The following ERC2 variants were observed in gnomAD, a reference collection of about 807,000 sequenced individuals.
The protein encoded by ERC2 is ERC protein 2.
Under a neutral mutation model 114.8 loss-of-function variants are expected in ERC2, and 42 were observed. The ratio of observed to expected loss-of-function variants is 0.37; its 90% CI spans 0.29 to 0.47. ERC2 has a LOEUF of 0.47. Among genes scored for constraint, ERC2 ranks in the 20% least tolerant of loss-of-function variants. The pLI is 0.99. For synonymous variants in ERC2, 454 were observed against 425.5 expected, an observed-to-expected ratio of 1.07 and a Z score of -0.82; for missense variants, 939 against 1,150.7, an observed-to-expected ratio of 0.82 and a Z score of 2.66.
intron 2 of ERC2, among the ~76,000 whole-genome samples, chr3:56,305,511 T>TA (rs1560559356): frequency 0.013 from 1,182 of 89,706 alleles, 13 homozygotes; most frequent in African/African-American, 0.045. Flanking sequence ...CACTCTCTTA[T>TA]CCACACACAC....
intron 7 of ERC2, among the ~76,000 whole-genome samples, chr3:56,071,809 A>G (rs968694280): frequency 2.6e-5 from 4 of 152,202 alleles, no homozygotes; most frequent in Admixed American, 2.6e-4. Flanking sequence ...TGCTTCACAA[A>G]GGAGCTTAGT....
At chr3:56,121,574 A>C (rs2079577986) in intron 6 of ERC2, among the ~76,000 whole-genome samples, 2 of 152,230 alleles carry the variant, frequency 1.3e-5, no homozygotes, top group East Asian at 3.9e-4. Context: ...AAAGATTAAA[A>C]GTCCAGGCAT....
intron 17 of ERC2, among the ~76,000 whole-genome samples, chr3:55,569,130 A>G (rs1252761923): frequency 1.3e-5 from 2 of 152,134 alleles, no homozygotes; most frequent in Non-Finnish European, 2.9e-5. Context: ...TTACCTTTGA[A>G]CCCACTTCAA....
intron 3 of ERC2, among the ~76,000 whole-genome samples, chr3:56,174,547 T>G (rs1187886190): frequency 1.3e-5 from 2 of 152,216 alleles, no homozygotes; most frequent in Non-Finnish European, 2.9e-5. Context: ...TCAGAACCAC[T>G]GGATCACAAA....
At chr3:55,947,502 G>A (rs2067203615) in intron 13 of ERC2, among the ~76,000 whole-genome samples, 1 of 152,136 alleles carries the variant, frequency 6.6e-6, no homozygotes, top group African/African-American at 2.4e-5. Context: ...AATGCCAAGG[G>A]TGAAAATCAC....
intron 17 of ERC2, among the ~76,000 whole-genome samples, chr3:55,531,296 T>C (rs549146603): frequency 6.6e-6 from 1 of 152,256 alleles, no homozygotes; most frequent in East Asian, 1.9e-4. Context: ...TTGGAATGAA[T>C]TGATGCAACC....
At chr3:55,734,583 A>T (rs1283207326) in intron 15 of ERC2, among the ~76,000 whole-genome samples, 188 bp downstream of exon 15, 2 of 152,220 alleles carry the variant, frequency 1.3e-5, no homozygotes, top group Non-Finnish European at 2.9e-5. Flanking sequence ...GCCCAGCCAC[A>T]TGCACATAAA....
intron 3 of ERC2, among the ~76,000 whole-genome samples, chr3:56,221,158 TGAAAA>T (rs2049880351): frequency 6.6e-6 from 1 of 151,898 alleles, no homozygotes; most frequent in Non-Finnish European, 1.5e-5. Context: ...ATTTGAAAAT[TGAAAA>T]TTTTCAAATT....
chr3:56,368,825 G>GA (rs370113784), intron 2 of ERC2, among the ~76,000 whole-genome samples: 240 of 148,190 alleles, frequency 1.6e-3, no homozygotes, highest in African/African-American at 4.7e-3. Context: ...AAAAAAATCA[G>GA]AAAAAAAAAA....
chr3:56,173,292 G>A (rs2082780154), intron 4 of ERC2, among the ~76,000 whole-genome samples, 154 bp downstream of exon 4: 1 of 152,118 alleles, frequency 6.6e-6, no homozygotes, highest in South Asian at 2.1e-4. Context: ...TACATTAAAT[G>A]TGCCCAGGAA....
At chr3:55,535,832 A>C (rs1399070947) in intron 17 of ERC2, among the ~76,000 whole-genome samples, 1 of 152,172 alleles carries the variant, frequency 6.6e-6, no homozygotes, top group East Asian at 1.9e-4. Flanking sequence ...TGTCTCTACT[A>C]AAAATACAAA....
In ERC2 at chr3:55,701,476, G is replaced by A. The variant is rs150561972; in HGVS notation, c.2713-1964C>T. On this transcript the variant is annotated intron_variant, in intron 15 of 17. Transcript: ENST00000288221. ...TCACATCCCAATTCTATCTGCCAGA[G>A]GATGTCTTATGATTTACTCACTCCA... is the stretch of plus-strand genomic sequence containing the variant. Among the ~76,000 whole-genome samples, 604 of 152,146 alleles carry A rather than the reference G, an allele frequency of 4.0e-3. 6 individuals carry two copies. Among genetic ancestry groups the A allele is most frequent in the African/African-American group, 0.014 (565 of 41,498 alleles).
chr3:55,981,999 G>A (rs1017214111), intron 12 of ERC2, among the ~76,000 whole-genome samples: 17 of 152,192 alleles, frequency 1.1e-4, no homozygotes, highest in Admixed American at 2.6e-4. Context: ...TTTGGTGGAA[G>A]AGGCAACTCC....
At chr3:55,716,892 C>G (rs1388613376) in intron 15 of ERC2, among the ~76,000 whole-genome samples, 1 of 152,066 alleles carries the variant, frequency 6.6e-6, no homozygotes, top group African/African-American at 2.4e-5. Flanking sequence ...ATATGGAGAC[C>G]AAGTGTTTAG....
chr3:56,234,090 G>T (rs2050793584), intron 3 of ERC2, among the ~76,000 whole-genome samples: 1 of 152,228 alleles, frequency 6.6e-6, no homozygotes, highest in Non-Finnish European at 1.5e-5. Context: ...TATTTAATGT[G>T]CCTCTTTCCT....
intron 2 of ERC2, among the ~76,000 whole-genome samples, chr3:56,308,961 G>A (rs917857794): frequency 2.6e-5 from 4 of 152,130 alleles, no homozygotes; most frequent in African/African-American, 9.7e-5. Context: ...GTGAAGGGCA[G>A]GTTCTCTGAT....
intron 2 of ERC2, among the ~76,000 whole-genome samples, chr3:56,368,100 G>A (rs1032426973): frequency 1.3e-5 from 2 of 150,820 alleles, no homozygotes; most frequent in African/African-American, 4.9e-5. Flanking sequence ...CTCCAAACCT[G>A]TGTATCACTC....
At chr3:55,530,580 A>G (rs752251132) in intron 17 of ERC2, among the ~76,000 whole-genome samples, 8 of 152,096 alleles carry the variant, frequency 5.3e-5, no homozygotes, top group Admixed American at 3.9e-4. Context: ...CTCATCTCCT[A>G]TGGTTGGAGC....
intron 17 of ERC2, among the ~76,000 whole-genome samples, chr3:55,656,068 T>A (rs1033094563): frequency 4.6e-5 from 7 of 152,110 alleles, no homozygotes; most frequent in African/African-American, 1.7e-4. Flanking sequence ...GCCCCTCTCA[T>A]CCAGGGCACA....
Sources: allele counts gnomAD v4.1 joint callset (sites outside exome capture counted in the v4.1 genomes callset), GRCh38; gene constraint gnomAD v4.1.1; transcripts MANE v1.5; gene names NCBI Gene and HGNC (gene_info 2026-07-23, HGNC 2026-07-21).